Variants in TTLL5 observed in about 807,000 individuals in gnomAD.
The protein encoded by TTLL5 is tubulin tyrosine ligase like 5.
TTLL5 carries 132 observed loss-of-function variants against 168.4 expected under a neutral mutation model. The ratio of observed to expected loss-of-function variants is 0.78; its 90% CI spans 0.68 to 0.91. The LOEUF (loss-of-function observed/expected upper bound fraction) is 0.91. TTLL5 is among the 40% of genes least tolerant of loss of function. The pLI, the probability that TTLL5 is intolerant of heterozygous loss-of-function variation, is 0.00. For missense variants in TTLL5, 1,545 were observed against 1,581.5 expected, an observed-to-expected ratio of 0.98 and a Z score of 0.39; for synonymous variants, 546 against 558.6, an observed-to-expected ratio of 0.98 and a Z score of 0.32.
At chr14:75,843,857 A>ATTTTATTTTATTTTG (rs138461464) in intron 28 of TTLL5, among the ~76,000 whole-genome samples, 1,533 of 99,108 alleles carry the variant, frequency 0.015, 15 homozygotes, top group Non-Finnish European at 0.026. Flanking sequence ...TATTTATTTT[A>ATTTTATTTTATTTTG]TTTTGTTTTG....
At chr14:75,800,266 T>A (rs1292026560) in intron 27 of TTLL5, among the ~76,000 whole-genome samples, 1 of 152,198 alleles carries the variant, frequency 6.6e-6, no homozygotes, top group Non-Finnish European at 1.5e-5. Context: ...TTGTTGAAAC[T>A]TTCCAGTGTA....
At chr14:75,947,358 G>A (rs1052448322) in intron 31 of TTLL5, among the ~76,000 whole-genome samples, 2 of 152,122 alleles carry the variant, frequency 1.3e-5, no homozygotes, top group Non-Finnish European at 2.9e-5. Flanking sequence ...ATATTTATCA[G>A]ACAAAATAGA....
Position 75,683,651 on chromosome 14 carries a change from T to A in TTLL5, c.366T>A (p.Phe122Leu). 6.2e-7 allele frequency: 1 copy of A among 1,612,888 alleles called. No homozygotes were observed. ...CTGAAGCACAAAAAGTTAATCACTTTCCCAGGTAATGCTCTTTGTAGCTGC... is the reference window on the plus strand; with the variant it reads ...CTGAAGCACAAAAAGTTAATCACTTACCCAGGTAATGCTCTTTGTAGCTGC... ...TLSEAQKVNH[F>L]PRSYELTRKD... The change falls in exon 5 of 32, where the codon TTT becomes TTA. Residue 122 changes from phenylalanine (F) to leucine (L), a missense_variant. Phe to Leu is a conservative substitution (Grantham distance 22). Transcript: ENST00000298832.
chr14:75,908,096 T>A (rs1203679606), intron 31 of TTLL5, among the ~76,000 whole-genome samples: 1 of 152,242 alleles, frequency 6.6e-6, no homozygotes, highest in Non-Finnish European at 1.5e-5. Context: ...TTTTGATCTC[T>A]GTTGCAGATA....
intron 12 of TTLL5, among the ~76,000 whole-genome samples, chr14:75,729,548 A>C (rs1888401786): frequency 6.6e-6 from 1 of 152,206 alleles, no homozygotes; most frequent in Non-Finnish European, 1.5e-5. Context: ...AACCTGATAC[A>C]GAAGCAATCT....
At chr14:75,843,008 C>T (rs1304221286) in intron 28 of TTLL5, among the ~76,000 whole-genome samples, 1 of 152,164 alleles carries the variant, frequency 6.6e-6, no homozygotes, top group Non-Finnish European at 1.5e-5. Flanking sequence ...AGCAAAGCAC[C>T]TGCTTGCTAA....
intron 3 of TTLL5, among the ~76,000 whole-genome samples, chr14:75,674,318 G>A (rs940973710): frequency 1.1e-4 from 16 of 152,072 alleles, no homozygotes; most frequent in African/African-American, 3.9e-4. Flanking sequence ...TTTCTGTATT[G>A]TTAAATACTC....
At chr14:75,806,369 T>C (rs947669954) in intron 27 of TTLL5, among the ~76,000 whole-genome samples, 3 of 152,172 alleles carry the variant, frequency 2.0e-5, no homozygotes, top group Non-Finnish European at 4.4e-5. Flanking sequence ...CTCATCATGG[T>C]ACTCTTCTGC....
intron 29 of TTLL5, among the ~76,000 whole-genome samples, chr14:75,866,942 A>G (rs1336061607): frequency 6.6e-6 from 1 of 152,250 alleles, no homozygotes; most frequent in Non-Finnish European, 1.5e-5. Context: ...TCCAGTCCAT[A>G]TGATAGAGAG....
chr14:75,839,551 G>A (rs556761623), intron 28 of TTLL5, among the ~76,000 whole-genome samples: 10 of 152,284 alleles, frequency 6.6e-5, no homozygotes, highest in South Asian at 6.2e-4. Context: ...TTCACAGGGC[G>A]GCAGGAGAGA....
intron 18 of TTLL5, among the ~76,000 whole-genome samples, chr14:75,755,630 G>A (rs926359594): frequency 7.2e-5 from 11 of 151,946 alleles, no homozygotes; most frequent in African/African-American, 2.4e-4. Context: ...ACTTTGTTAT[G>A]TTCATCTTTG....
intron 28 of TTLL5, among the ~76,000 whole-genome samples, chr14:75,823,093 A>G (rs1026467314): frequency 5.9e-5 from 9 of 152,142 alleles, no homozygotes; most frequent in African/African-American, 2.2e-4. Flanking sequence ...AGCAAGGCCG[A>G]CTTAGAATTA....
At chr14:75,740,778 T>A (rs1318242365) in intron 15 of TTLL5, among the ~76,000 whole-genome samples, 1 of 152,228 alleles carries the variant, frequency 6.6e-6, no homozygotes, top group African/African-American at 2.4e-5. Flanking sequence ...AAACTTGATT[T>A]TACCTGTTGT....
At chr14:75,668,773 G>C (rs186485870) in intron 2 of TTLL5, among the ~76,000 whole-genome samples, 1 of 152,268 alleles carries the variant, frequency 6.6e-6, no homozygotes, top group East Asian at 1.9e-4. Context: ...GGACTATAGC[G>C]TGTAAAAGGA....
intron 28 of TTLL5, among the ~76,000 whole-genome samples, chr14:75,860,795 GT>G (rs2029914635): frequency 6.6e-6 from 1 of 151,988 alleles, no homozygotes; most frequent in African/African-American, 2.4e-5. Context: ...CTGTTGAGTA[GT>G]TTTGGGTGTT....
chr14:75,919,197 C>CA (rs10655974), intron 31 of TTLL5, among the ~76,000 whole-genome samples: 783 of 55,748 alleles, frequency 0.014, 49 homozygotes, highest in Admixed American at 0.081. Context: ...AAGACCGTCT[C>CA]AAAAAAAAAA....
chr14:75,929,946 T>C (rs750792705), intron 31 of TTLL5, among the ~76,000 whole-genome samples: 24 of 152,146 alleles, frequency 1.6e-4, no homozygotes, highest in Non-Finnish European at 3.1e-4. Context: ...CAAATCTCAT[T>C]ATTTGGAAAA....
intron 21 of TTLL5, among the ~76,000 whole-genome samples, chr14:75,773,966 AGAG>A (rs1566598253): frequency 1.0e-3 from 125 of 122,402 alleles, no homozygotes; most frequent in African/African-American, 2.8e-3. Context: ...AAAGAGAGAG[AGAG>A]AGAGAGAGAG....
chr14:75,800,931 G>A (rs1019108058), intron 27 of TTLL5, among the ~76,000 whole-genome samples: 2 of 152,124 alleles, frequency 1.3e-5, no homozygotes, highest in African/African-American at 2.4e-5. Flanking sequence ...TGTTCAGTGA[G>A]CTGGTTTTCT....
Sources: allele counts gnomAD v4.1 joint callset (sites outside exome capture counted in the v4.1 genomes callset), GRCh38; gene constraint gnomAD v4.1.1; transcripts MANE v1.5; gene names NCBI Gene and HGNC (gene_info 2026-07-23, HGNC 2026-07-21).